The following QSOX1 variants were observed in gnomAD, a reference collection of about 807,000 sequenced individuals.
The protein encoded by QSOX1 is quiescin sulfhydryl oxidase 1.
Under a neutral mutation model 76.1 loss-of-function variants are expected in QSOX1, and 40 were observed. That is an observed-to-expected ratio of 0.53 (90% CI 0.41 to 0.68). QSOX1 has a LOEUF of 0.68. Among genes scored for constraint, QSOX1 ranks in the 30% least tolerant of loss-of-function variants. The pLI is 0.00. For synonymous variants in QSOX1, 392 were observed against 413.1 expected, an observed-to-expected ratio of 0.95 and a Z score of 0.62; for missense variants, 931 against 974.3, an observed-to-expected ratio of 0.96 and a Z score of 0.59.
At chr1:180,173,202 T>C (rs1053949889) in intron 2 of QSOX1, among the ~76,000 whole-genome samples, 1 of 151,990 alleles carries the variant, frequency 6.6e-6, no homozygotes, top group Non-Finnish European at 1.5e-5. Context: ...GTTCAAGTGA[T>C]CCTCCCTCCT....
At position 180,182,204 on chromosome 1, in the gene QSOX1, G is replaced by A. The variant is rs201057145; in HGVS notation, c.637G>A (p.Val213Met). 210 of 1,614,198 alleles carry A rather than the reference G, an allele frequency of 1.3e-4. No homozygotes were observed. The East Asian group carries it at 2.5e-3, about 20-fold the overall frequency. ...TCTGGACCTGTCCCAGCACAAAGGC[G>A]TGGCGGTGCGCAGGGTGCTGAACAC... ...VALDLSQHKG[V>M]AVRRVLNTEA... The change falls in exon 6 of 12, where the codon GTG becomes ATG. Residue 213 changes from valine to methionine, a missense_variant. Coordinates refer to ENST00000367602, the MANE Select transcript of QSOX1 (RefSeq NM_002826.5).
chr1:180,182,572 C>T (rs1317023196), intron 6 of QSOX1, among the ~76,000 whole-genome samples: 1 of 152,136 alleles, frequency 6.6e-6, no homozygotes, highest in Non-Finnish European at 1.5e-5. Flanking sequence ...GTCGCCTGCA[C>T]CCTCATTACG....
Position 180,197,101 on chromosome 1 carries a change from C to CCT in QSOX1, c.*64_*65insCT. The CCT allele has an allele frequency of 6.6e-7, 1 of 1,513,048 alleles. No individual in the cohort carries two copies. Among genetic ancestry groups the CCT allele is most frequent in the Non-Finnish European group, 8.9e-7 (1 of 1,129,904 alleles). 93.7% of individuals were successfully genotyped at this position (1,513,048 alleles called of 1,614,324 possible). ...CTAGGCACCTCAAGCCCCCTGACCC[C>CCT]ATTCCCTCCCCTCCCACCCCTTGCT... On this transcript the variant is annotated 3_prime_UTR_variant, in exon 12 of 12. Transcript: ENST00000367602.
chr1:180,158,073 G>A (rs967422967), intron 1 of QSOX1, among the ~76,000 whole-genome samples: 2 of 152,176 alleles, frequency 1.3e-5, no homozygotes, highest in Admixed American at 6.5e-5. Flanking sequence ...TCCTTACCCG[G>A]GAAAATATCT....
intron 1 of QSOX1, among the ~76,000 whole-genome samples, chr1:180,163,996 C>T (rs746237751): frequency 6.6e-4 from 101 of 152,224 alleles, no homozygotes; most frequent in Non-Finnish European, 1.0e-3. Context: ...AACCAGATCA[C>T]GGGTTCATGC....
Position 180,202,118 on chromosome 1 carries a change from TTTG to T in QSOX1, c.*5082_*5084del. ...AAATCACAAGGCAGAGGAGGAGACCTTTGCCAATGTGAGAGAACAAAGTTAAGG... is the reference window on the plus strand; with the variant it reads ...AAATCACAAGGCAGAGGAGGAGACCTCCAATGTGAGAGAACAAAGTTAAGG... On this transcript the variant is annotated 3_prime_UTR_variant, in exon 12 of 12. Transcript: ENST00000367602. The T allele has an allele frequency of 6.6e-6, 1 of 152,262 alleles. No individual in the cohort carries two copies. 9.4% of individuals were successfully genotyped at this position (152,262 alleles called of 1,614,324 possible). A position where few individuals can be genotyped will look rare whatever the true frequency, so the allele number is the denominator to read the frequency against.
chr1:180,167,136 A>G (rs960057282), intron 2 of QSOX1, among the ~76,000 whole-genome samples: 16 of 152,230 alleles, frequency 1.1e-4, no homozygotes, highest in African/African-American at 3.6e-4. Flanking sequence ...AGTGCAGGGC[A>G]TCAACAGCTT....
intron 8 of QSOX1, among the ~76,000 whole-genome samples, chr1:180,188,261 G>T (rs1158293057): frequency 6.6e-6 from 1 of 152,070 alleles, no homozygotes; most frequent in Non-Finnish European, 1.5e-5. Context: ...AGCCCTGCAG[G>T]TGCCCGGTCA....
At chr1:180,189,708 C>A in intron 9 of QSOX1, 34 bp downstream of exon 9, 1 of 1,603,104 alleles carries the variant, frequency 6.2e-7, no homozygotes, top group Non-Finnish European at 8.5e-7. Context: ...ATCTCTCCAT[C>A]CTCCGTATTT....
chr1:180,196,961 G>C lies in QSOX1; in HGVS notation c.2168G>C (p.Gly723Ala). 6.2e-7 allele frequency: 1 copy of C among 1,611,154 alleles called. No individual in the cohort carries two copies. Among genetic ancestry groups the C allele is most frequent in the Non-Finnish European group, 8.5e-7 (1 of 1,178,138 alleles). ...GGGCTCTATTCCCTGTCCTTCATGG[G>C]CCTGCTGGCCATGTACACCTACTTC... ...CVGLYSLSFM[G>A]LLAMYTYFQA... Residue 723 changes from glycine to alanine, a missense_variant, in exon 12 of 12, where the codon GGC becomes GCC. Gly to Ala is a moderately conservative substitution (Grantham distance 60). Transcript: ENST00000367602. The surrounding 1 kb of genome is among the most constrained non-coding windows in gnomAD (Gnocchi z 4.1).
chr1:180,167,566 C>T (rs372066265), intron 2 of QSOX1, among the ~76,000 whole-genome samples: 14 of 152,290 alleles, frequency 9.2e-5, no homozygotes, highest in Middle Eastern at 6.8e-3. Flanking sequence ...CCACCAGGAA[C>T]ATCCAGCTCT....
In QSOX1 at chr1:180,182,419, T is replaced by A; in HGVS notation, c.752+100T>A. The A allele has an allele frequency of 8.7e-6, 13 of 1,489,498 alleles. No homozygotes were observed. In the South Asian group the frequency reaches 1.6e-4, roughly 18 times the overall value. The allele number at this position is 1,489,498 out of a possible 1,614,324, so 92.3% of individuals were successfully genotyped here. A position where few individuals can be genotyped will look rare whatever the true frequency, so the allele number is the denominator to read the frequency against. ...CCCGCCTTTCACAGTGGCCAACATG[T>A]TCTTTCTGAAGAGCCCCCTCAGGAG... On this transcript the variant is annotated intron_variant, in intron 6 of 11. Coordinates refer to ENST00000367602, the MANE Select transcript of QSOX1 (RefSeq NM_002826.5).
chr1:180,168,155 G>T (rs1407689267), intron 2 of QSOX1, among the ~76,000 whole-genome samples: 1 of 152,246 alleles, frequency 6.6e-6, no homozygotes, highest in Admixed American at 6.5e-5. Flanking sequence ...GAAGGAGGCG[G>T]CCTAGGCCCA....
At chr1:180,172,946 G>A (rs761567365) in intron 2 of QSOX1, among the ~76,000 whole-genome samples, 16 of 152,310 alleles carry the variant, frequency 1.1e-4, no homozygotes, top group Non-Finnish European at 2.4e-4. Context: ...GAAAATAACA[G>A]CTGTAGCTGT....
At chr1:180,176,504 G>A (rs563930949) in intron 4 of QSOX1, among the ~76,000 whole-genome samples, 2 of 152,312 alleles carry the variant, frequency 1.3e-5, no homozygotes, top group Admixed American at 1.3e-4. Flanking sequence ...AGGTGGTCAT[G>A]CCTGGGGCAT....
At chr1:180,180,865 A>G (rs1278964488) in intron 5 of QSOX1, among the ~76,000 whole-genome samples, 3 of 152,180 alleles carry the variant, frequency 2.0e-5, no homozygotes, top group Admixed American at 6.5e-5. Flanking sequence ...TGTGCTAGTC[A>G]CTGTTATGGC....
Position 180,194,228 on chromosome 1 carries a change from T to C in QSOX1, c.1304T>C (p.Val435Ala), listed in dbSNP as rs1456290108. 6.2e-7 allele frequency: 1 copy of C among 1,611,666 alleles called. No homozygotes were observed. Among genetic ancestry groups the C allele is most frequent in the African/African-American group, 1.3e-5 (1 of 74,804 alleles). Residue 435 changes from valine to alanine, a missense_variant, in exon 11 of 12, where the codon GTC becomes GCC. Val to Ala is a moderately conservative substitution (Grantham distance 64). Transcript: ENST00000367602. ...HSQEAAKAKEVLPAIRGYVHY... is the reference protein window; with the variant it reads ...HSQEAAKAKEALPAIRGYVHY... ...TGCCCTGTAGCCAAGGCCAAGGAGG[T>C]CCTCCCAGCCATCCGAGGCTACGTG... is the stretch of plus-strand genomic sequence containing the variant.
rs1328174068 is a variant in QSOX1, at chr1:180,201,785, A to G, written c.*4748A>G. On this transcript the variant is annotated 3_prime_UTR_variant, in exon 12 of 12. Coordinates refer to ENST00000367602, the MANE Select transcript of QSOX1 (RefSeq NM_002826.5). ...GGGCCTCTGCCCTCTGCCTGGCCCC[A>G]GCAGCACAGTCTTCTCCATAGAGAG... The G allele has an allele frequency of 6.6e-6, 1 of 152,272 alleles. No homozygotes were observed. Among genetic ancestry groups the G allele is most frequent in the Non-Finnish European group, 1.5e-5 (1 of 68,216 alleles). The allele number at this position is 152,272 out of a possible 1,614,324, so 9.4% of individuals were successfully genotyped here.
At chr1:180,157,398 T>C (rs1662398289) in intron 1 of QSOX1, among the ~76,000 whole-genome samples, 1 of 152,226 alleles carries the variant, frequency 6.6e-6, no homozygotes, top group Non-Finnish European at 1.5e-5. Flanking sequence ...TTCATCTCTG[T>C]GTCCTGAGGT....
Sources: gnomAD v4.1 joint callset for allele counts (sites outside exome capture counted in the v4.1 genomes callset) on GRCh38, gnomAD v4.1.1 for gene constraint, Gnocchi (gnomAD v3.1) non-coding constraint, MANE v1.5 for transcripts, NCBI Gene and HGNC (gene_info 2026-07-23, HGNC 2026-07-21) for gene names.